MINDY2: variants seen among roughly 807,000 people sequenced by gnomAD.
MINDY2 encodes MINDY lysine 48 deubiquitinase 2.
Under a neutral mutation model 68.2 loss-of-function variants are expected in MINDY2, and 52 were observed. The ratio of observed to expected loss-of-function variants is 0.76; its 90% CI spans 0.61 to 0.96. The LOEUF is 0.96. Ranked by LOEUF, MINDY2 falls within the 40% of genes least tolerant of loss-of-function variation. MINDY2 has a pLI of 0.00. For missense variants in MINDY2, 881 were observed against 773.4 expected (o/e 1.14, Z -1.65); for synonymous variants, 372 against 303.0 (o/e 1.23, Z -2.36).
intron 6 of MINDY2, among the ~76,000 whole-genome samples, chr15:58,836,221 A>G (rs1205594541): frequency 6.6e-6 from 1 of 151,294 alleles, no homozygotes; most frequent in Non-Finnish European, 1.5e-5. Context: ...ATTGCATCTC[A>G]AAATTAACTA....
chr15:58,852,651 T>G (rs970456529), intron 8 of MINDY2, among the ~76,000 whole-genome samples: 8 of 152,148 alleles, frequency 5.3e-5, no homozygotes, highest in Non-Finnish European at 5.9e-5. Flanking sequence ...GATGACGTCC[T>G]CTACCTCTCT....
In MINDY2 at chr15:58,851,657, G is replaced by T. The variant is rs113854050; in HGVS notation, c.1543-114G>T. 437 of 825,670 alleles carry T rather than the reference G, an allele frequency of 5.3e-4. 1 individual carries two copies. The African/African-American group carries it at 6.9e-3, about 13-fold the overall frequency. 51.1% of individuals were successfully genotyped at this position (825,670 alleles called of 1,614,324 possible). A position where few individuals can be genotyped will look rare whatever the true frequency, so the allele number is the denominator to read the frequency against. ...GGTCTTGCTATATTGCCCAGGCCTG[G>T]TGTATTTTTTAATAGCCATTCTTAC... On this transcript the variant is annotated intron_variant, in intron 7 of 8. Coordinates refer to ENST00000559228, the MANE Select transcript of MINDY2 (RefSeq NM_001040450.3).
At chr15:58,822,874 T>G (rs1709883670) in intron 5 of MINDY2, among the ~76,000 whole-genome samples, 1 of 152,194 alleles carries the variant, frequency 6.6e-6, no homozygotes, top group Non-Finnish European at 1.5e-5. Context: ...GGCATGAGTT[T>G]TAGTCTCTCT....
chr15:58,793,458 G>A (rs1276146083), intron 2 of MINDY2, among the ~76,000 whole-genome samples: 1 of 151,878 alleles, frequency 6.6e-6, no homozygotes, highest in Non-Finnish European at 1.5e-5. Context: ...CAAAAAATAA[G>A]TAAATAAATA....
intron 5 of MINDY2, among the ~76,000 whole-genome samples, chr15:58,831,041 G>GTGTGTATATATA (rs565786025): frequency 0.07 from 8,713 of 124,318 alleles, 420 homozygotes; most frequent in East Asian, 0.22. Context: ...GTGTGTGTGT[G>GTGTGTATATATA]TATATATATA....
chr15:58,781,194 C>T (rs1005318046), intron 1 of MINDY2, among the ~76,000 whole-genome samples: 3 of 152,062 alleles, frequency 2.0e-5, no homozygotes, highest in African/African-American at 7.2e-5. Flanking sequence ...AGATTACAGA[C>T]ACCTGCCCCC....
intron 6 of MINDY2, among the ~76,000 whole-genome samples, chr15:58,846,786 A>G (rs1347282185): frequency 6.6e-6 from 1 of 152,162 alleles, no homozygotes; most frequent in African/African-American, 2.4e-5. Context: ...TGTATCTATT[A>G]TTGGTATACA....
At chr15:58,800,704 C>T (rs7183900) in intron 2 of MINDY2, among the ~76,000 whole-genome samples, 30,329 of 145,888 alleles carry the variant, frequency 0.21, 3,608 homozygotes, top group East Asian at 0.53. Flanking sequence ...TGTGGTGGTG[C>T]GTGTCTTTAG....
chr15:58,785,728 G>C (rs796322953), intron 1 of MINDY2, among the ~76,000 whole-genome samples: 3 of 152,180 alleles, frequency 2.0e-5, no homozygotes, highest in African/African-American at 7.2e-5. Context: ...CCAGGCTGGA[G>C]CGTAGTGGCA....
At chr15:58,795,834 CA>C (rs1240805607) in intron 2 of MINDY2, among the ~76,000 whole-genome samples, 1 of 151,882 alleles carries the variant, frequency 6.6e-6, no homozygotes, top group East Asian at 1.9e-4. Flanking sequence ...CTTTTAAGTG[CA>C]ACATTACCTC....
At chr15:58,786,577 C>T (rs1449490924) in intron 1 of MINDY2, among the ~76,000 whole-genome samples, 1 of 152,088 alleles carries the variant, frequency 6.6e-6, no homozygotes, top group Non-Finnish European at 1.5e-5. Flanking sequence ...ATCACTATAA[C>T]GTATCTTTAC....
At chr15:58,773,271 T>C (rs1345274737) in intron 1 of MINDY2, among the ~76,000 whole-genome samples, 1 of 152,102 alleles carries the variant, frequency 6.6e-6, no homozygotes, top group Non-Finnish European at 1.5e-5. Flanking sequence ...GGCAATACAG[T>C]GAGACCCTAT....
At chr15:58,791,173 CCTT>C (rs1901865288) in intron 2 of MINDY2, among the ~76,000 whole-genome samples, 1 of 113,642 alleles carries the variant, frequency 8.8e-6, no homozygotes, top group Non-Finnish European at 2.0e-5. Context: ...GAGTGAGACT[CCTT>C]CTCAAAAAAA....
chr15:58,820,635 CT>C (rs1240499477), intron 4 of MINDY2, among the ~76,000 whole-genome samples: 1 of 152,076 alleles, frequency 6.6e-6, no homozygotes, highest in Non-Finnish European at 1.5e-5. Context: ...AATGGTGGTT[CT>C]CAAACTTCGC....
intron 7 of MINDY2, among the ~76,000 whole-genome samples, chr15:58,850,183 A>G (rs2032746485): frequency 6.6e-6 from 1 of 152,220 alleles, no homozygotes; most frequent in African/African-American, 2.4e-5. Context: ...CTTGACCAAA[A>G]TGCACTGTTT....
chr15:58,775,956 G>A (rs1250559281), intron 1 of MINDY2, among the ~76,000 whole-genome samples: 6 of 150,332 alleles, frequency 4.0e-5, no homozygotes, highest in African/African-American at 1.2e-4. Context: ...TCTGCCTCCC[G>A]GGTTCAAGTG....
At chr15:58,775,442 A>C (rs2140888830) in intron 1 of MINDY2, among the ~76,000 whole-genome samples, 1 of 152,308 alleles carries the variant, frequency 6.6e-6, no homozygotes, top group Non-Finnish European at 1.5e-5. Context: ...CTGATATTGG[A>C]GCTATTATAA....
intron 2 of MINDY2, among the ~76,000 whole-genome samples, chr15:58,798,023 C>T (rs1029039430): frequency 2.0e-4 from 31 of 152,308 alleles, no homozygotes; most frequent in African/African-American, 7.5e-4. Context: ...CTGAAAAGCT[C>T]ATATGCTCAA....
At chr15:58,810,142 T>C in intron 3 of MINDY2, 88 bp from the exon 4 acceptor site, 1 of 1,194,128 alleles carries the variant, frequency 8.4e-7, no homozygotes, top group Non-Finnish European at 1.2e-6. Context: ...AAATGGAAAA[T>C]TAAAAGTAAA....
Sources: allele counts gnomAD v4.1 joint callset (sites outside exome capture counted in the v4.1 genomes callset), GRCh38; gene constraint gnomAD v4.1.1; transcripts MANE v1.5; gene names NCBI Gene and HGNC (gene_info 2026-07-23, HGNC 2026-07-21).